Variants in NRK observed in about 807,000 individuals in gnomAD.
NRK encodes the protein Nik related kinase, also known as nik-related protein kinase.
A neutral mutation model predicts 125.2 loss-of-function variants in NRK; 67 were observed. The ratio of observed to expected loss-of-function variants is 0.54; its 90% CI spans 0.44 to 0.66. NRK has a LOEUF of 0.66. Among genes scored for constraint, NRK ranks in the 30% least tolerant of loss-of-function variants. The pLI is 0.00. For synonymous variants in NRK, 458 were observed against 429.0 expected, an observed-to-expected ratio of 1.07 and a Z score of -0.84; for missense variants, 1,224 against 1,192.9, an observed-to-expected ratio of 1.03 and a Z score of -0.38.
intron 19 of NRK, among the ~76,000 whole-genome samples, chrX:105,926,496 G>T (rs2040525537): frequency 9.0e-6 from 1 of 111,403 alleles, no homozygotes; most frequent in African/African-American, 3.3e-5. Flanking sequence ...CTGTGCAGAA[G>T]ATTTTTAGTG....
intron 8 of NRK, 82 bp from the exon 9 acceptor site, chrX:105,900,536 C>G: frequency 1.7e-6 from 1 of 604,090 alleles, no homozygotes; most frequent in Admixed American, 2.8e-5. Context: ...ATCCACACCC[C>G]CAGCTAAACA....
Position 105,881,753 on chromosome X carries a change from C to G in NRK, c.226C>G (p.Gln76Glu). 1 of 1,145,055 alleles carries G rather than the reference C, an allele frequency of 8.7e-7. No homozygotes were observed. The highest frequency in any genetic ancestry group is 1.2e-6 in the Non-Finnish European group (1 of 850,514). The allele number at this position is 1,145,055 out of a possible 1,213,427, so 94.4% of individuals were successfully genotyped here. The change falls in exon 4 of 29, where the codon CAA (glutamine) becomes GAA (glutamate). Residue 76 changes from glutamine (Q) to glutamate (E), a missense_variant. Coordinates refer to ENST00000243300, the MANE Select transcript of NRK (RefSeq NM_198465.4). ...AAGGCGAGTGAGAGTGAATAAATAT[C>G]AAAAATCTGTTGGGTGGAGATACAG... ...IGRRVRVNKY[Q>E]KSVGWRYSDE...
chrX:105,821,885 C>A (rs1366636283), upstream of NRK, among the ~76,000 whole-genome samples: 1 of 111,553 alleles, frequency 9.0e-6, no homozygotes, highest in Non-Finnish European at 1.9e-5. Context: ...ATAAGGCCTG[C>A]CGGGAGAAGA....
At chrX:105,913,436 A>G (rs1274634411) in intron 14 of NRK, among the ~76,000 whole-genome samples, 1 of 112,085 alleles carries the variant, frequency 8.9e-6, no homozygotes, top group Non-Finnish European at 1.9e-5. Context: ...ATCTTCCCAG[A>G]CATTTACATG....
At chrX:105,837,390 T>G (rs1225599684) in intron 2 of NRK, among the ~76,000 whole-genome samples, 1 of 111,567 alleles carries the variant, frequency 9.0e-6, no homozygotes, top group Non-Finnish European at 1.9e-5. Context: ...GCTTTTTCAG[T>G]GCTGCCAACC....
chrX:105,841,750 A>C, intron 2 of NRK, among the ~76,000 whole-genome samples: 1 of 111,787 alleles, frequency 8.9e-6, no homozygotes, highest in East Asian at 2.8e-4. Context: ...AAAATAAATA[A>C]AATTATTGAG....
At chrX:105,829,365 A>G (rs1308965544) in intron 1 of NRK, among the ~76,000 whole-genome samples, 1 of 112,380 alleles carries the variant, frequency 8.9e-6, no homozygotes, top group Non-Finnish European at 1.9e-5. Flanking sequence ...TGTTTAGCTT[A>G]TATTTATCAC....
At chrX:105,850,896 G>C (rs1001314403) in intron 2 of NRK, among the ~76,000 whole-genome samples, 1 of 112,161 alleles carries the variant, frequency 8.9e-6, no homozygotes, top group African/African-American at 3.2e-5. Flanking sequence ...CCTCCAAACT[G>C]TTCCAACCTC....
intron 3 of NRK, among the ~76,000 whole-genome samples, chrX:105,880,638 A>G (rs888963688): frequency 1.3e-4 from 14 of 110,991 alleles, no homozygotes; most frequent in African/African-American, 4.6e-4. Flanking sequence ...TCCCTCTCCA[A>G]TGATTTCCTC....
At position 105,822,698 on chromosome X, in the gene NRK, A is replaced by ATC. The variant is rs1263647835; in HGVS notation, c.-145_-144dup. On this transcript the variant is annotated 5_prime_UTR_variant, in exon 1 of 29. Coordinates refer to ENST00000243300, the MANE Select transcript of NRK (RefSeq NM_198465.4). Reference sequence around the variant, plus strand: ...TTTCACTACACGTTTCCCCTCCTCTATCTCCCACGCCACGAACCCCGATCC... The same window carrying ATC: ...TTTCACTACACGTTTCCCCTCCTCTATCTCTCCCACGCCACGAACCCCGATCC... The ATC allele has an allele frequency of 1.8e-6, 1 of 569,857 alleles. No individual in the cohort carries two copies. The highest frequency in any genetic ancestry group is 2.7e-5 in the Admixed American group (1 of 36,668). 47.0% of individuals were successfully genotyped at this position (569,857 alleles called of 1,213,427 possible).
intron 23 of NRK, among the ~76,000 whole-genome samples, chrX:105,941,380 A>G (rs774075172): frequency 9.0e-6 from 1 of 111,446 alleles, no homozygotes; most frequent in African/African-American, 3.3e-5. Context: ...GCCTTCCAAG[A>G]TCCACAAGAC....
chrX:105,880,984 G>C (rs1377250864), intron 3 of NRK, among the ~76,000 whole-genome samples: 1 of 111,546 alleles, frequency 9.0e-6, no homozygotes. Context: ...CTGTTGTCAA[G>C]GCCATAAACT....
intron 2 of NRK, among the ~76,000 whole-genome samples, chrX:105,857,599 C>A (rs1414840829): frequency 1.3e-4 from 14 of 110,889 alleles, no homozygotes; most frequent in Non-Finnish European, 1.9e-4. Flanking sequence ...AGAAAAAAAT[C>A]CCCCCCTTTT....
At chrX:105,950,527 AGTGTGTGTGTGTGTGTGT>A (rs56383254) in intron 27 of NRK, among the ~76,000 whole-genome samples, 182 of 77,970 alleles carry the variant, frequency 2.3e-3, no homozygotes, top group African/African-American at 7.4e-3. Context: ...AAAAGGCAGC[AGTGTGTGTGTGTGTGTGT>A]GTGTGTGTGT....
At chrX:105,914,502 G>T (rs1047693640) in intron 14 of NRK, among the ~76,000 whole-genome samples, 1 of 110,421 alleles carries the variant, frequency 9.1e-6, no homozygotes, top group African/African-American at 3.3e-5. Flanking sequence ...CCCCAGTTTT[G>T]AAATTAAATA....
At chrX:105,834,696 G>GT (rs1208380565) in intron 2 of NRK, among the ~76,000 whole-genome samples, 1 of 110,734 alleles carries the variant, frequency 9.0e-6, no homozygotes, top group Non-Finnish European at 1.9e-5. Flanking sequence ...CTGTTTTGGA[G>GT]TGTGTCTGTG....
chrX:105,934,317 A>ACCTGATCAT lies in NRK; in HGVS notation c.3373_3381dup (p.Pro1125_His1127dup). The ACCTGATCAT allele has an allele frequency of 8.4e-7, 1 of 1,193,169 alleles. No homozygotes were observed. Among genetic ancestry groups the ACCTGATCAT allele is most frequent in the Non-Finnish European group, 1.1e-6 (1 of 880,648 alleles). ...TTGACTCAGGTGCTGCACCGTCAGC[A>ACCTGATCAT]CCTGATCATGAGAGTGACAATAAGG... On this transcript the variant is annotated inframe_insertion, in exon 20 of 29. Transcript: ENST00000243300.
Position 105,958,244 on chromosome X carries a change from A to G in NRK, c.*2644A>G, listed in dbSNP as rs1046530811. The G allele has an allele frequency of 7.1e-5, 8 of 112,642 alleles. No individual in the cohort carries two copies. The highest frequency in any genetic ancestry group is 2.8e-4 in the Admixed American group (3 of 10,643). 9.3% of individuals were successfully genotyped at this position (112,642 alleles called of 1,213,427 possible). On this transcript the variant is annotated 3_prime_UTR_variant, in exon 29 of 29. Transcript: ENST00000243300. ...GTGAGATAAGATCCTCAGAGGAAAC[A>G]GTAAGAAGGGATAATCATTAAGATA...
chrX:105,833,457 G>A (rs1440926267), intron 2 of NRK, among the ~76,000 whole-genome samples: 1 of 111,236 alleles, frequency 9.0e-6, no homozygotes, highest in Non-Finnish European at 1.9e-5. Context: ...GGGTGTGTGT[G>A]TAAGTGTGTG....
Sources: allele counts gnomAD v4.1 joint callset (sites outside exome capture counted in the v4.1 genomes callset), GRCh38; gene constraint gnomAD v4.1.1; transcripts MANE v1.5; gene names NCBI Gene and HGNC (gene_info 2026-07-23, HGNC 2026-07-21).